LRRK1: variants seen among roughly 807,000 people sequenced by gnomAD.
LRRK1 encodes the protein leucine-rich repeat serine/threonine-protein kinase 1.
LRRK1 carries 113 observed loss-of-function variants against 209.1 expected under a neutral mutation model. That is an observed-to-expected ratio of 0.54 (90% CI 0.46 to 0.63). The LOEUF is 0.63. Among genes scored for constraint, LRRK1 ranks in the 30% least tolerant of loss-of-function variants. LRRK1 has a pLI of 0.00. For missense variants in LRRK1, 2,284 were observed against 2,632.2 expected, an observed-to-expected ratio of 0.87 and a Z score of 2.89; for synonymous variants, 1,144 against 1,099.7, an observed-to-expected ratio of 1.04 and a Z score of -0.80.
intron 23 of LRRK1, among the ~76,000 whole-genome samples, chr15:101,051,407 C>A (rs1177574325): frequency 1.3e-5 from 2 of 152,188 alleles, no homozygotes; most frequent in Non-Finnish European, 2.9e-5. Flanking sequence ...AGGGCCCAGT[C>A]ATGCAGGAGG....
intron 6 of LRRK1, among the ~76,000 whole-genome samples, chr15:100,994,251 C>T (rs1026885066): frequency 1.3e-5 from 2 of 152,182 alleles, no homozygotes; most frequent in Non-Finnish European, 2.9e-5. Context: ...CTTAGACTCC[C>T]GAACACAGTT....
intron 22 of LRRK1, 40 bp from the exon 23 acceptor site, chr15:101,049,604 G>A (rs2035283828): frequency 6.2e-7 from 1 of 1,603,414 alleles, no homozygotes; most frequent in South Asian, 1.1e-5. Flanking sequence ...GTCCCCCAGA[G>A]CCAGATCGCA....
rs2036786045 is a variant in LRRK1, at chr15:101,071,097, A to G, written c.*2249A>G. On this transcript the variant is annotated 3_prime_UTR_variant, in exon 34 of 34. Coordinates refer to ENST00000388948, the MANE Select transcript of LRRK1 (RefSeq NM_024652.6). Reference sequence around the variant, plus strand: ...ACAGCAGGGAAACAGTCTCCACAACAGTAAAATGTTGCTGGGATGGGCCCA... The same window carrying G: ...ACAGCAGGGAAACAGTCTCCACAACGGTAAAATGTTGCTGGGATGGGCCCA... 6.6e-6 allele frequency: 1 copy of G among 152,244 alleles called. No homozygotes were observed. Among genetic ancestry groups the G allele is most frequent in the African/African-American group, 2.4e-5 (1 of 41,450 alleles). 9.4% of individuals were successfully genotyped at this position (152,244 alleles called of 1,614,324 possible). A position where few individuals can be genotyped will look rare whatever the true frequency, so the allele number is the denominator to read the frequency against.
At chr15:101,028,899 G>A (rs1399122020) in intron 19 of LRRK1, 57 bp from the exon 20 acceptor site, 3 of 1,573,412 alleles carry the variant, frequency 1.9e-6, no homozygotes, top group Non-Finnish European at 1.7e-6. Context: ...GGCCACCCCA[G>A]AGTCCCTTTC....
chr15:100,926,973 C>T (rs184174440), intron 2 of LRRK1, among the ~76,000 whole-genome samples: 42 of 152,328 alleles, frequency 2.8e-4, no homozygotes, highest in South Asian at 2.3e-3. Context: ...GTGTGAGCCA[C>T]GGCGCCCGGC....
chr15:100,967,599 A>G (rs2030549669), intron 2 of LRRK1, among the ~76,000 whole-genome samples: 1 of 151,360 alleles, frequency 6.6e-6, no homozygotes, highest in South Asian at 2.1e-4. Flanking sequence ...ACCTTGTGTC[A>G]TATGGCAAGC....
intron 30 of LRRK1, 129 bp from the exon 31 acceptor site, chr15:101,062,445 G>A (rs972203448): frequency 4.4e-6 from 3 of 683,986 alleles, no homozygotes; most frequent in Non-Finnish European, 8.0e-6. Context: ...ACCAGAACGT[G>A]TCAATCCATG....
At chr15:101,015,571 C>T (rs1462329642) in intron 12 of LRRK1, among the ~76,000 whole-genome samples, 169 bp downstream of exon 12, 1 of 152,250 alleles carries the variant, frequency 6.6e-6, no homozygotes, top group Admixed American at 6.5e-5. Context: ...GAGCTGCGCC[C>T]ATTCTTTCTG....
intron 2 of LRRK1, among the ~76,000 whole-genome samples, chr15:100,949,534 C>T (rs1370679896): frequency 1.3e-5 from 2 of 152,066 alleles, no homozygotes; most frequent in Non-Finnish European, 2.9e-5. Flanking sequence ...TCTATGAAAC[C>T]AGTATTACCC....
At chr15:100,975,186 G>A (rs2031219492) in intron 3 of LRRK1, among the ~76,000 whole-genome samples, 1 of 152,240 alleles carries the variant, frequency 6.6e-6, no homozygotes, top group African/African-American at 2.4e-5. Context: ...CTCCTCGGGT[G>A]CACCCCAGTG....
chr15:101,047,481 C>A (rs2035148147), intron 21 of LRRK1, among the ~76,000 whole-genome samples: 1 of 152,238 alleles, frequency 6.6e-6, no homozygotes, highest in African/African-American at 2.4e-5. Context: ...CAAGTGGGGC[C>A]CAGCTGGGCC....
At chr15:101,021,324 C>A in intron 13 of LRRK1, 142 bp downstream of exon 13, 1 of 870,592 alleles carries the variant, frequency 1.1e-6, no homozygotes, top group Non-Finnish European at 1.8e-6. Context: ...ATTTTCGGAA[C>A]AGGGCTTGAT....
chr15:101,017,553 A>C lies in LRRK1; in HGVS notation c.1609+2151A>C, dbSNP rs111508228. On this transcript the variant is annotated intron_variant, in intron 12 of 33. Transcript: ENST00000388948. ...GTGAGCATCAGCGCCACCTCCTGTC[A>C]GATCAGCGGCAGCATTGGATTCTCA... Among the ~76,000 whole-genome samples, 933 of 152,286 alleles carry C rather than the reference A, an allele frequency of 6.1e-3. 6 individuals carry two copies. Among genetic ancestry groups the C allele is most frequent in the African/African-American group, 0.021 (881 of 41,558 alleles).
chr15:101,021,033 G>A lies in LRRK1; in HGVS notation c.1610-20G>A. The stretch of plus-strand genomic sequence containing the variant: ...CCAGAATTATTTTTAAATGCAGTCT[G>A]CTTTGCCATGTCTTTGCAGCAAGTG... On this transcript the variant is annotated intron_variant, in intron 12 of 33. Coordinates refer to ENST00000388948, the MANE Select transcript of LRRK1 (RefSeq NM_024652.6). The A allele has an allele frequency of 3.1e-6, 5 of 1,613,776 alleles. No homozygotes were observed. The South Asian group carries it at 3.3e-5, about 11-fold the overall frequency.
chr15:100,956,579 C>T (rs1249181093), intron 2 of LRRK1, among the ~76,000 whole-genome samples: 1 of 151,498 alleles, frequency 6.6e-6, no homozygotes, highest in African/African-American at 2.4e-5. Flanking sequence ...AACTCTCTGC[C>T]TCAGCCTCCT....
intron 12 of LRRK1, among the ~76,000 whole-genome samples, chr15:101,016,077 C>G (rs996662590): frequency 4.0e-5 from 6 of 151,752 alleles, no homozygotes; most frequent in African/African-American, 1.5e-4. Context: ...GCAACCTCCG[C>G]CTCCCAGGTT....
At chr15:101,023,279 G>A (rs1248783302) in intron 15 of LRRK1, among the ~76,000 whole-genome samples, 4 of 152,204 alleles carry the variant, frequency 2.6e-5, no homozygotes, top group Non-Finnish European at 4.4e-5. Flanking sequence ...GCAGTGAGCC[G>A]AGATCATGCC....
intron 6 of LRRK1, chr15:100,989,775 A>T (rs953643031): frequency 5.0e-5 from 15 of 297,166 alleles, no homozygotes; most frequent in Non-Finnish European, 8.0e-5. Context: ...TTTGAAGGGG[A>T]CATTCAAGCT....
At position 101,015,334 on chromosome 15, in the gene LRRK1, A is replaced by G; in HGVS notation, c.1541A>G (p.Asp514Gly). 1 of 1,613,708 alleles carries G rather than the reference A, an allele frequency of 6.2e-7. No individual in the cohort carries two copies. Among genetic ancestry groups the G allele is most frequent in the South Asian group, 1.1e-5 (1 of 91,028 alleles). The change falls in exon 12 of 34, where the codon GAT becomes GGT. Residue 514 changes from aspartate (D) to glycine (G), a missense_variant. Asp to Gly is a moderately conservative substitution (Grantham distance 94, BLOSUM62 -1). Transcript: ENST00000388948. ...LSRNQLGKNE[D>G]GLKTKRIAFF... is the part of the protein sequence containing the mutation. ...CTTTTTCCTCCCCCCAGAAATGAAG[A>G]TGGACTGAAAACGAAGCGTATTGCC...
Sources: allele counts gnomAD v4.1 joint callset (sites outside exome capture counted in the v4.1 genomes callset), GRCh38; gene constraint gnomAD v4.1.1; transcripts MANE v1.5; gene names NCBI Gene and HGNC (gene_info 2026-07-23, HGNC 2026-07-21).